CD55: variants seen among roughly 807,000 people sequenced by gnomAD.
The protein encoded by CD55 is CD55 molecule (Cromer blood group).
CD55 carries 41 observed loss-of-function variants against 45.8 expected under a neutral mutation model. That is an observed-to-expected ratio of 0.90 (90% CI 0.70 to 1.16). The LOEUF (loss-of-function observed/expected upper bound fraction) is 1.16, where lower values mean the gene tolerates loss of function less well. Among genes scored for constraint, CD55 ranks in the 50% most tolerant of loss-of-function variants. The probability of loss-of-function intolerance (pLI) is 0.00; values close to 1 mark genes in which losing one functional copy is unlikely to be tolerated. For missense variants in CD55, 416 were observed against 469.8 expected (o/e 0.89, Z 1.06); for synonymous variants, 181 against 181.1 (o/e 1.00, Z 0.01).
intron 9 of CD55, chr1:207,340,369 T>G: frequency 2.2e-6 from 1 of 455,060 alleles, no homozygotes; most frequent in Non-Finnish European, 3.9e-6. Context: ...TTTTTTTTAT[T>G]TTTATTTTTT....
intron 8 of CD55, chr1:207,337,614 GAA>G: frequency 2.6e-6 from 1 of 389,148 alleles, no homozygotes; most frequent in Non-Finnish European, 4.6e-6. Context: ...CAATAATAGA[GAA>G]AAAGACTGTG....
At chr1:207,325,865 G>A (rs1338489150) in intron 4 of CD55, 144 bp downstream of exon 4, 1 of 430,380 alleles carries the variant, frequency 2.3e-6, no homozygotes, top group South Asian at 5.8e-5. Flanking sequence ...TTCATCATGA[G>A]CTCATCACAG....
At chr1:207,344,705 G>A (rs907969716) in intron 9 of CD55, among the ~76,000 whole-genome samples, 12 of 151,322 alleles carry the variant, frequency 7.9e-5, no homozygotes, top group African/African-American at 2.7e-4. Context: ...TTGTCATGGA[G>A]AAAACCTTTT....
At chr1:207,347,353 G>A (rs897401059) in intron 9 of CD55, 29 of 378,382 alleles carry the variant, frequency 7.7e-5, no homozygotes, top group Admixed American at 1.5e-4. Flanking sequence ...TCTGCCTCCC[G>A]GGTTCACGCC....
chr1:207,350,384 G>A (rs1655819020), intron 9 of CD55, among the ~76,000 whole-genome samples: 1 of 152,076 alleles, frequency 6.6e-6, no homozygotes, highest in African/African-American at 2.4e-5. Context: ...TATAGAATGA[G>A]GAGTCCCTCC....
chr1:207,338,891 T>C (rs962089921), intron 8 of CD55, among the ~76,000 whole-genome samples: 1 of 152,202 alleles, frequency 6.6e-6, no homozygotes, highest in Non-Finnish European at 1.5e-5. Context: ...GAGCAGCTTA[T>C]TTATTGTTAT....
At chr1:207,341,494 A>G (rs1444399742) in intron 9 of CD55, among the ~76,000 whole-genome samples, 4 of 152,074 alleles carry the variant, frequency 2.6e-5, no homozygotes, top group African/African-American at 9.7e-5. Context: ...TCCCAGCACT[A>G]TTTATTGAAG....
At chr1:207,343,130 CA>C (rs746099461) in intron 9 of CD55, among the ~76,000 whole-genome samples, 2 of 151,824 alleles carry the variant, frequency 1.3e-5, no homozygotes, top group East Asian at 3.9e-4. Context: ...TTTATCTTTT[CA>C]AAAAAACAAG....
intron 9 of CD55, among the ~76,000 whole-genome samples, chr1:207,347,721 C>T (rs1655704550): frequency 6.6e-6 from 1 of 152,196 alleles, no homozygotes; most frequent in Non-Finnish European, 1.5e-5. Flanking sequence ...TATTGATTCT[C>T]ACCCTCCTCC....
intron 8 of CD55, chr1:207,337,612 G>A: frequency 2.5e-6 from 1 of 407,622 alleles, no homozygotes; most frequent in Non-Finnish European, 4.4e-6. Context: ...TACAATAATA[G>A]AGAAAAAGAC....
At chr1:207,325,573 G>C in intron 3 of CD55, 49 bp from the exon 4 acceptor site, 1 of 1,146,594 alleles carries the variant, frequency 8.7e-7, no homozygotes, top group Middle Eastern at 2.0e-4. Context: ...TTCTTTGTGT[G>C]TATGCCTGAT....
At chr1:207,345,427 T>C (rs528385317) in intron 9 of CD55, among the ~76,000 whole-genome samples, 3 of 152,234 alleles carry the variant, frequency 2.0e-5, no homozygotes, top group Admixed American at 1.3e-4. Flanking sequence ...CTTTTATATG[T>C]ATCTTTTTTT....
chr1:207,331,706 C>A (rs971073679), intron 6 of CD55, among the ~76,000 whole-genome samples: 1 of 152,166 alleles, frequency 6.6e-6, no homozygotes, highest in Non-Finnish European at 1.5e-5. Flanking sequence ...GAAACTCTTG[C>A]CATCTGTTGA....
chr1:207,324,678 G>A lies in CD55; in HGVS notation c.406G>A (p.Glu136Lys). 6.2e-7 allele frequency: 1 copy of A among 1,613,082 alleles called. No homozygotes were observed. The highest frequency in any genetic ancestry group is 8.5e-7 in the Non-Finnish European group (1 of 1,179,450). The change falls in exon 3 of 10, where the codon GAA becomes AAA. Residue 136 changes from glutamate (E) to lysine (K), a missense_variant. By Grantham distance (56) the Glu-to-Lys change is moderately conservative (BLOSUM62 1). Coordinates refer to ENST00000367064, the MANE Select transcript of CD55 (RefSeq NM_000574.5). ...TGAGTGCCGTCCAGGTTACAGAAGA[G>A]AACCTTCTCTATCACCAAAACTAAC... ...EYECRPGYRREPSLSPKLTCL... is the reference protein window; with the variant it reads ...EYECRPGYRRKPSLSPKLTCL...
chr1:207,336,777 C>T lies in CD55; in HGVS notation c.938C>T (p.Ser313Phe). The T allele has an allele frequency of 6.2e-7, 1 of 1,613,954 alleles. No individual in the cohort carries two copies. The highest frequency in any genetic ancestry group is 8.5e-7 in the Non-Finnish European group (1 of 1,179,876). Residue 313 changes from serine (S) to phenylalanine (F), a missense_variant, in exon 7 of 10, where the codon TCT becomes TTT. Physicochemically the swap from Ser to Phe is radical, Grantham distance 155. This residue lies in a region of CD55 where 182 missense variants were observed against 201.4 expected (regional missense o/e 0.90). Transcript: ENST00000367064. ...NVPTTEVSPTSQKTTTKTTTP... is the reference protein window; with the variant it reads ...NVPTTEVSPTFQKTTTKTTTP... The stretch of plus-strand genomic sequence containing the variant: ...CCAACTACAGAAGTCTCACCAACTT[C>T]TCAGAAAACCACCACAAAAACCACC...
Position 207,332,099 on chromosome 1 carries a change from G to A in CD55, c.853+803G>A, listed in dbSNP as rs1654971751. On this transcript the variant is annotated intron_variant, in intron 6 of 9. Coordinates refer to ENST00000367064, the MANE Select transcript of CD55 (RefSeq NM_000574.5). ...CATAATATTAAAGCCAGGGAGATGA[G>A]TACAAAATGGGAAGTGAAAGTCTCT... Among the ~76,000 whole-genome samples the A allele has an allele frequency of 2.6e-5, 4 of 152,036 alleles. No individual in the cohort carries two copies. The South Asian group carries it at 8.3e-4, about 31-fold the overall frequency.
chr1:207,322,598 G>A (rs1236154964), intron 2 of CD55, 31 bp downstream of exon 2: 1 of 1,544,968 alleles, frequency 6.5e-7, no homozygotes, highest in African/African-American at 1.4e-5. Context: ...GAAAAGTTCT[G>A]GGAATGGAAT....
intron 9 of CD55, among the ~76,000 whole-genome samples, chr1:207,356,315 G>A (rs1306897731): frequency 6.6e-6 from 1 of 151,986 alleles, no homozygotes; most frequent in African/African-American, 2.4e-5. Flanking sequence ...TTAAATTTTG[G>A]CGTGTCTCTG....
At chr1:207,338,588 T>C (rs1265556573) in intron 8 of CD55, among the ~76,000 whole-genome samples, 1 of 152,130 alleles carries the variant, frequency 6.6e-6, no homozygotes, top group African/African-American at 2.4e-5. Context: ...ATTTTACTCT[T>C]AGGTACAATT....
Sources: allele counts gnomAD v4.1 joint callset (sites outside exome capture counted in the v4.1 genomes callset), GRCh38; gene constraint gnomAD v4.1.1; regional missense constraint gnomAD v4.1.1; transcripts MANE v1.5; gene names NCBI Gene and HGNC (gene_info 2026-07-23, HGNC 2026-07-21).